PCDHGB5: variants seen among roughly 807,000 people sequenced by gnomAD.
The protein encoded by PCDHGB5 is protocadherin gamma-B5.
Under a neutral mutation model 62.9 loss-of-function variants are expected in PCDHGB5, and 48 were observed. The observed-to-expected ratio is 0.76, with a 90% CI of 0.61 to 0.97. The LOEUF is 0.97. PCDHGB5 is among the 50% of genes least tolerant of loss of function. The pLI, the probability that PCDHGB5 is intolerant of heterozygous loss-of-function variation, is 0.00. For synonymous variants in PCDHGB5, 474 were observed against 511.2 expected, an observed-to-expected ratio of 0.93 and a Z score of 0.98; for missense variants, 1,118 against 1,198.6, an observed-to-expected ratio of 0.93 and a Z score of 0.99.
rs202113404 is a variant in PCDHGB5, at chr5:141,414,779, A to G, written c.2397+14255A>G. The G allele has an allele frequency of 4.2e-4, 674 of 1,614,210 alleles. No homozygotes were observed. Among genetic ancestry groups the G allele is most frequent in the Admixed American group, 6.0e-4 (36 of 60,022 alleles). On this transcript the variant is annotated intron_variant, in intron 1 of 3. Transcript: ENST00000617380. ...GAGCAGTTTCATGAGCTACAGATGCAGGTGACAGCCAGCGACAGCGGGGAT... is the reference window on the plus strand; with the variant it reads ...GAGCAGTTTCATGAGCTACAGATGCGGGTGACAGCCAGCGACAGCGGGGAT...
At chr5:141,478,617 G>T in intron 1 of PCDHGB5, 1 of 1,556,398 alleles carries the variant, frequency 6.4e-7, no homozygotes, top group South Asian at 1.2e-5. Context: ...AGGAAGGAAT[G>T]GAGCTGTTTT....
chr5:141,400,590 T>G (rs775174347), intron 1 of PCDHGB5, 66 bp downstream of exon 1: 2 of 1,604,848 alleles, frequency 1.2e-6, no homozygotes, highest in South Asian at 1.1e-5. Flanking sequence ...CATGAAACTA[T>G]CGTACATTTT....
At chr5:141,468,802 C>G (rs928501013) in intron 1 of PCDHGB5, among the ~76,000 whole-genome samples, 1 of 151,620 alleles carries the variant, frequency 6.6e-6, no homozygotes, top group African/African-American at 2.4e-5. Context: ...GGAGGCGGAA[C>G]TTGCAGTGAG....
chr5:141,487,451 A>G lies in PCDHGB5; in HGVS notation c.2398-7356A>G. 6.2e-7 allele frequency: 1 copy of G among 1,614,122 alleles called. No homozygotes were observed. Among genetic ancestry groups the G allele is most frequent in the Non-Finnish European group, 8.5e-7 (1 of 1,180,006 alleles). On this transcript the variant is annotated intron_variant, in intron 1 of 3. Transcript: ENST00000617380. This position sits in a 1 kb window ranked among gnomAD's most constrained non-coding sequence, Gnocchi z 5.0. ...AATCCAGCTAGGGTCAGATGACCCT[A>G]TCAAGTTTGTTGATGTGGGAGGCCA...
chr5:141,489,944 T>A lies in PCDHGB5; in HGVS notation c.2398-4863T>A. On this transcript the variant is annotated intron_variant, in intron 1 of 3. Coordinates refer to ENST00000617380, the MANE Select transcript of PCDHGB5 (RefSeq NM_018925.3). The surrounding 1 kb of genome is among the most constrained non-coding windows in gnomAD (Gnocchi z 4.5). ...CTTATCTCTGTCATCGTGCTGGACA[T>A]CAATGATAATGCTCCAACCTTCCAA... 1 of 1,614,172 alleles carries A rather than the reference T, an allele frequency of 6.2e-7. No individual in the cohort carries two copies. The highest frequency in any genetic ancestry group is 8.5e-7 in the Non-Finnish European group (1 of 1,180,010).
chr5:141,416,016 G>C (rs190922355), intron 1 of PCDHGB5: 29 of 227,390 alleles, frequency 1.3e-4, no homozygotes, highest in Non-Finnish European at 2.2e-4. Context: ...GAATAGGTAA[G>C]TATCAGAAAG....
chr5:141,485,654 G>A lies in PCDHGB5; in HGVS notation c.2398-9153G>A, dbSNP rs2099617203. 6.2e-7 allele frequency: 1 copy of A among 1,612,482 alleles called. No individual in the cohort carries two copies. The highest frequency in any genetic ancestry group is 8.5e-7 in the Non-Finnish European group (1 of 1,178,842). On this transcript the variant is annotated intron_variant, in intron 1 of 3. Coordinates refer to ENST00000617380, the MANE Select transcript of PCDHGB5 (RefSeq NM_018925.3). The surrounding 1 kb of genome is among the most constrained non-coding windows in gnomAD (Gnocchi z 5.7). ...CCCGTTGGAAAAGGCTCAGGATGCA[G>A]ATGTGGGGAGCAATTCGATTAGCAG... is the stretch of plus-strand genomic sequence containing the variant.
At chr5:141,407,963 G>T (rs2095010709) in intron 1 of PCDHGB5, 1 of 681,746 alleles carries the variant, frequency 1.5e-6, no homozygotes, top group Admixed American at 3.5e-5. Context: ...TGCAGAGCAA[G>T]CGCTGACGCC....
chr5:141,479,731 G>C (rs1176632022), intron 1 of PCDHGB5: 1 of 152,216 alleles, frequency 6.6e-6, no homozygotes, highest in East Asian at 1.9e-4. Context: ...TTTTTCTTAA[G>C]TATATGCACA....
Position 141,421,478 on chromosome 5 carries a change from G to A in PCDHGB5, c.2397+20954G>A, listed in dbSNP as rs763769838. The A allele has an allele frequency of 2.5e-6, 4 of 1,614,012 alleles. No individual in the cohort carries two copies. In the African/African-American group the frequency reaches 4.0e-5, roughly 16 times the overall value. On this transcript the variant is annotated intron_variant, in intron 1 of 3. Coordinates refer to ENST00000617380, the MANE Select transcript of PCDHGB5 (RefSeq NM_018925.3). ...TTCGCTGTGAATCCGCGAAGCGGCA[G>A]CTTGATCACGGCAGGCAGGATAGAC... is the stretch of plus-strand genomic sequence containing the variant.
chr5:141,472,980 C>CAAAAAAAAAAAAAAAAAAGAAAAAAAA (rs60579131), intron 1 of PCDHGB5, among the ~76,000 whole-genome samples: 1 of 86,106 alleles, frequency 1.2e-5, no homozygotes, highest in Non-Finnish European at 2.5e-5. Flanking sequence ...GAGTGAAACT[C>CAAAAAAAAAAAAAAAAAAGAAAAAAAA]AAAAAAAAAA....
intron 1 of PCDHGB5, among the ~76,000 whole-genome samples, chr5:141,488,261 G>T (rs993627373): frequency 6.6e-6 from 1 of 152,148 alleles, no homozygotes; most frequent in Non-Finnish European, 1.5e-5. Flanking sequence ...GGTTGGGGCG[G>T]GTTGGTCATC....
At position 141,511,411 on chromosome 5, in the gene PCDHGB5, A is replaced by G; in HGVS notation, c.*238A>G. On this transcript the variant is annotated 3_prime_UTR_variant, in exon 4 of 4. Coordinates refer to ENST00000617380, the MANE Select transcript of PCDHGB5 (RefSeq NM_018925.3). ...GAACCCCCATCCAATCAACTGCTGT[A>G]CCCATGGGGGTAGTGGGGTTACTGT... The G allele has an allele frequency of 1.1e-6, 1 of 901,334 alleles. No homozygotes were observed. Among genetic ancestry groups the G allele is most frequent in the Non-Finnish European group, 1.6e-6 (1 of 617,750 alleles). The allele number at this position is 901,334 out of a possible 1,614,324, so 55.8% of individuals were successfully genotyped here. A position where few individuals can be genotyped will look rare whatever the true frequency, so the allele number is the denominator to read the frequency against.
At chr5:141,475,657 C>T (rs2099366732) in intron 1 of PCDHGB5, among the ~76,000 whole-genome samples, 1 of 152,204 alleles carries the variant, frequency 6.6e-6, no homozygotes, top group Non-Finnish European at 1.5e-5. Flanking sequence ...GAAAGTGATT[C>T]AAATGTTTAA....
intron 1 of PCDHGB5, among the ~76,000 whole-genome samples, chr5:141,470,142 A>G (rs1308458765): frequency 6.6e-6 from 1 of 152,044 alleles, no homozygotes; most frequent in Non-Finnish European, 1.5e-5. Context: ...AAAAAAGATC[A>G]TAGATCATCT....
intron 1 of PCDHGB5, chr5:141,479,196 C>T (rs2099489838): frequency 2.0e-5 from 3 of 152,432 alleles, no homozygotes; most frequent in African/African-American, 7.2e-5. Context: ...TCAGAAAATA[C>T]AGAAAAGTAT....
chr5:141,436,207 A>T (rs544201723), intron 1 of PCDHGB5, among the ~76,000 whole-genome samples: 1 of 152,142 alleles, frequency 6.6e-6, no homozygotes, highest in Admixed American at 6.5e-5. Context: ...ACATAATAGG[A>T]AAACAAATGA....
intron 1 of PCDHGB5, among the ~76,000 whole-genome samples, chr5:141,454,353 A>G (rs2098787486): frequency 1.3e-5 from 2 of 152,238 alleles, no homozygotes; most frequent in Non-Finnish European, 2.9e-5. Context: ...AGTTGATCCA[A>G]ACTTAGAAAG....
Position 141,489,343 on chromosome 5 carries a change from G to A in PCDHGB5, c.2398-5464G>A, listed in dbSNP as rs377697321. On this transcript the variant is annotated intron_variant, in intron 1 of 3. Coordinates refer to ENST00000617380, the MANE Select transcript of PCDHGB5 (RefSeq NM_018925.3). This position sits in a 1 kb window ranked among gnomAD's most constrained non-coding sequence, Gnocchi z 4.5. ...GGTGTCTGGGCAGCTTCGTTACTCA[G>A]TGGTGGAGGAGTCTGAGCCGGGGAC... The A allele has an allele frequency of 5.6e-6, 9 of 1,611,264 alleles. No individual in the cohort carries two copies. Among genetic ancestry groups the A allele is most frequent in the Non-Finnish European group, 7.6e-6 (9 of 1,178,202 alleles).
Sources: allele counts gnomAD v4.1 joint callset (sites outside exome capture counted in the v4.1 genomes callset), GRCh38; gene constraint gnomAD v4.1.1; non-coding constraint Gnocchi (gnomAD v3.1); transcripts MANE v1.5; gene names NCBI Gene and HGNC (gene_info 2026-07-23, HGNC 2026-07-21).